Variants in SNTG1 observed in about 807,000 individuals in gnomAD.
SNTG1 encodes syntrophin gamma 1, also known as gamma-1-syntrophin.
SNTG1 carries 39 observed loss-of-function variants against 74.7 expected under a neutral mutation model. The observed-to-expected ratio is 0.52, with a 90% CI of 0.40 to 0.68. The LOEUF is 0.68. Among genes scored for constraint, SNTG1 ranks in the 30% least tolerant of loss-of-function variants. The pLI, the probability that SNTG1 is intolerant of heterozygous loss-of-function variation, is 0.00. For missense variants in SNTG1, 685 were observed against 609.5 expected, an observed-to-expected ratio of 1.12 and a Z score of -1.30; for synonymous variants, 254 against 217.1, an observed-to-expected ratio of 1.17 and a Z score of -1.49.
intron 9 of SNTG1, among the ~76,000 whole-genome samples, chr8:50,508,140 TTCCTACCTATGAGTGAGAACAAGCAGTG>T (rs2094026560): frequency 6.6e-6 from 1 of 152,148 alleles, no homozygotes; most frequent in Non-Finnish European, 1.5e-5. Context: ...CACTGTTCAG[TTCCTACCTATGAGTGAGAACAAGCAGTG>T]TTTGGTTTTT....
At chr8:50,763,650 G>GTGTGTGTA (rs1563817314) in intron 18 of SNTG1, among the ~76,000 whole-genome samples, 7 of 47,506 alleles carry the variant, frequency 1.5e-4, no homozygotes, top group African/African-American at 1.1e-3. Flanking sequence ...TGCCTTTATT[G>GTGTGTGTA]TGTGTGTGTG....
chr8:50,455,296 T>C (rs2093494769), intron 8 of SNTG1, among the ~76,000 whole-genome samples: 1 of 152,182 alleles, frequency 6.6e-6, no homozygotes, highest in Non-Finnish European at 1.5e-5. Context: ...CCTTTTAAAG[T>C]AGCATTTCTG....
At chr8:50,438,626 A>T in intron 5 of SNTG1, 27 bp downstream of exon 5, 1 of 1,588,664 alleles carries the variant, frequency 6.3e-7, no homozygotes. Context: ...GTCTATCCTT[A>T]CAAAGGCCAT....
intron 4 of SNTG1, among the ~76,000 whole-genome samples, chr8:50,423,104 C>T (rs2093116573): frequency 6.6e-6 from 1 of 151,906 alleles, no homozygotes; most frequent in African/African-American, 2.4e-5. Context: ...TATTTTTGAC[C>T]AAAAATGAGT....
chr8:49,943,692 T>A (rs893752385), intron 1 of SNTG1, among the ~76,000 whole-genome samples: 1 of 152,248 alleles, frequency 6.6e-6, no homozygotes. Flanking sequence ...TAAAACTTAT[T>A]TGGATGAAAA....
At chr8:50,477,156 T>C (rs969863523) in intron 8 of SNTG1, among the ~76,000 whole-genome samples, 1 of 152,022 alleles carries the variant, frequency 6.6e-6, no homozygotes, top group Non-Finnish European at 1.5e-5. Flanking sequence ...GGAGGTGAAG[T>C]ATGACTTGCC....
intron 18 of SNTG1, among the ~76,000 whole-genome samples, chr8:50,777,687 T>C (rs1026786373): frequency 5.3e-5 from 8 of 151,576 alleles, no homozygotes; most frequent in African/African-American, 1.5e-4. Flanking sequence ...CTCTCTCTCT[T>C]TTTTTTAATT....
intron 2 of SNTG1, among the ~76,000 whole-genome samples, chr8:50,227,078 A>AT (rs35912549): frequency 2.2e-4 from 34 of 152,088 alleles, no homozygotes; most frequent in African/African-American, 4.6e-4. Context: ...AAAATCAATG[A>AT]TTTTTTTTGT....
At chr8:50,307,078 G>T (rs942391286) in intron 2 of SNTG1, among the ~76,000 whole-genome samples, 3 of 151,602 alleles carry the variant, frequency 2.0e-5, no homozygotes, top group Admixed American at 6.6e-5. Flanking sequence ...TTTATATATG[G>T]TGTTTCTTTG....
At chr8:50,527,657 C>T (rs1268590892) in intron 9 of SNTG1, among the ~76,000 whole-genome samples, 1 of 151,742 alleles carries the variant, frequency 6.6e-6, no homozygotes. Flanking sequence ...CTAAAGTGAC[C>T]TAGAAGAGGT....
At chr8:50,647,327 TC>T (rs2095115610) in intron 13 of SNTG1, among the ~76,000 whole-genome samples, 1 of 151,972 alleles carries the variant, frequency 6.6e-6, no homozygotes, top group Admixed American at 6.6e-5. Context: ...GAGGAACTGT[TC>T]CCTGAACTAC....
intron 2 of SNTG1, among the ~76,000 whole-genome samples, chr8:50,230,126 G>T (rs1374524680): frequency 6.6e-6 from 1 of 151,362 alleles, no homozygotes; most frequent in Non-Finnish European, 1.5e-5. Context: ...AATTAGAGAA[G>T]AAGATCTGAA....
intron 2 of SNTG1, among the ~76,000 whole-genome samples, chr8:50,298,266 C>A (rs1431172615): frequency 6.6e-6 from 1 of 151,928 alleles, no homozygotes; most frequent in Admixed American, 6.6e-5. Flanking sequence ...AGTAATAATA[C>A]CTGGAAATTT....
chr8:50,398,518 C>T (rs4563896), intron 3 of SNTG1, among the ~76,000 whole-genome samples: 1,995 of 152,324 alleles, frequency 0.013, 72 homozygotes, highest in East Asian at 0.12. Context: ...TCAAGACAAA[C>T]CACACATATT....
intron 12 of SNTG1, 132 bp downstream of exon 12, chr8:50,553,311 A>T: frequency 8.4e-7 from 1 of 1,197,432 alleles, no homozygotes; most frequent in Non-Finnish European, 1.1e-6. Flanking sequence ...CTATTCTGGA[A>T]TACTTATTGT....
chr8:49,987,157 C>A (rs1813240514), intron 1 of SNTG1, among the ~76,000 whole-genome samples: 1 of 152,052 alleles, frequency 6.6e-6, no homozygotes. Flanking sequence ...TACTGGACCC[C>A]AGGAGGGGGG....
At chr8:50,682,829 A>G (rs2095336654) in intron 15 of SNTG1, among the ~76,000 whole-genome samples, 1 of 152,142 alleles carries the variant, frequency 6.6e-6, no homozygotes, top group Non-Finnish European at 1.5e-5. Flanking sequence ...CTGTTTAGGC[A>G]TACACAAGCC....
At chr8:49,998,111 G>A (rs1814403797) in intron 1 of SNTG1, among the ~76,000 whole-genome samples, 1 of 152,116 alleles carries the variant, frequency 6.6e-6, no homozygotes, top group Non-Finnish European at 1.5e-5. Flanking sequence ...AGCATGGTAA[G>A]CATTTGTGTA....
intron 2 of SNTG1, among the ~76,000 whole-genome samples, chr8:50,238,101 A>G (rs2132111870): frequency 6.6e-6 from 1 of 152,296 alleles, no homozygotes; most frequent in South Asian, 2.1e-4. Context: ...TGCTATTCCT[A>G]TCACACTACC....
Sources: gnomAD v4.1 joint callset for allele counts (sites outside exome capture counted in the v4.1 genomes callset) on GRCh38, gnomAD v4.1.1 for gene constraint, MANE v1.5 for transcripts, NCBI Gene and HGNC (gene_info 2026-07-23, HGNC 2026-07-21) for gene names.